DNMBP: variants seen among roughly 807,000 people sequenced by gnomAD.
The protein encoded by DNMBP is dynamin-binding protein.
In DNMBP, 87 loss-of-function variants were observed where a neutral mutation model predicts 150.0. The ratio of observed to expected loss-of-function variants is 0.58; its 90% CI spans 0.49 to 0.69. The LOEUF is 0.69. DNMBP is among the 30% of genes least tolerant of loss of function. The probability of loss-of-function intolerance (pLI) is 0.00; values close to 1 mark genes in which losing one functional copy is unlikely to be tolerated. For synonymous variants in DNMBP, 711 were observed against 750.4 expected (o/e 0.95, Z 0.86); for missense variants, 1,774 against 1,949.0 (o/e 0.91, Z 1.69).
chr10:99,998,017 C>CTT (rs2040968099), intron 1 of DNMBP, among the ~76,000 whole-genome samples: 1 of 147,310 alleles, frequency 6.8e-6, no homozygotes, highest in Non-Finnish European at 1.5e-5. Flanking sequence ...GGGCAGATCA[C>CTT]AAGGTCAGGA....
intron 13 of DNMBP, 66 bp downstream of exon 13, chr10:99,886,234 T>G (rs1345145909): frequency 3.6e-6 from 5 of 1,375,624 alleles, no homozygotes; most frequent in Non-Finnish European, 5.0e-6. Flanking sequence ...ATGCTACCAT[T>G]TTTCCCAGAA....
intron 4 of DNMBP, among the ~76,000 whole-genome samples, chr10:99,948,806 T>C (rs2040387369): frequency 6.6e-6 from 1 of 151,798 alleles, no homozygotes; most frequent in African/African-American, 2.4e-5. Flanking sequence ...CTACTAAAAA[T>C]ACAAAAATTA....
intron 1 of DNMBP, among the ~76,000 whole-genome samples, chr10:99,997,723 G>T (rs1410828055): frequency 6.6e-6 from 1 of 151,806 alleles, no homozygotes; most frequent in Non-Finnish European, 1.5e-5. Context: ...GAGGCAGATG[G>T]ATCACTTGAG....
intron 1 of DNMBP, among the ~76,000 whole-genome samples, chr10:100,006,832 G>A (rs2041077138): frequency 6.6e-6 from 1 of 152,180 alleles, no homozygotes. Flanking sequence ...CCATGAGTTA[G>A]GCCAGGTGTG....
intron 6 of DNMBP, 58 bp downstream of exon 6, chr10:99,907,937 C>T: frequency 7.5e-7 from 1 of 1,330,828 alleles, no homozygotes; most frequent in South Asian, 1.2e-5. Context: ...AGGCCACTTA[C>T]TCCTGCCCAT....
intron 4 of DNMBP, among the ~76,000 whole-genome samples, chr10:99,926,601 G>A (rs1487959100): frequency 1.3e-5 from 2 of 152,180 alleles, no homozygotes; most frequent in East Asian, 3.9e-4. Flanking sequence ...AAGCCCACAT[G>A]GGGCAATCTT....
intron 7 of DNMBP, 29 bp from the exon 8 acceptor site, chr10:99,898,789 GAGAC>G: frequency 6.2e-7 from 1 of 1,607,110 alleles, no homozygotes; most frequent in Non-Finnish European, 8.5e-7. Context: ...GAAAAGAAAA[GAGAC>G]AGTTTATTAG....
At chr10:99,941,470 A>G (rs1488087211) in intron 4 of DNMBP, among the ~76,000 whole-genome samples, 1 of 143,542 alleles carries the variant, frequency 7.0e-6, no homozygotes, top group African/African-American at 2.5e-5. Flanking sequence ...ACTCTTCTCA[A>G]TTTTTTTTTT....
At chr10:99,951,027 T>C (rs2040416347) in intron 4 of DNMBP, among the ~76,000 whole-genome samples, 1 of 152,212 alleles carries the variant, frequency 6.6e-6, no homozygotes, top group South Asian at 2.1e-4. Context: ...TCCTGGGCTG[T>C]GCCCAGGATC....
At chr10:99,995,386 C>T (rs2040940451) in intron 1 of DNMBP, among the ~76,000 whole-genome samples, 1 of 152,120 alleles carries the variant, frequency 6.6e-6, no homozygotes, top group South Asian at 2.1e-4. Context: ...CCTGAAGTTC[C>T]TCTAAGGCTT....
intron 1 of DNMBP, among the ~76,000 whole-genome samples, chr10:99,973,961 G>C (rs1028346848): frequency 2.0e-5 from 3 of 152,112 alleles, no homozygotes; most frequent in African/African-American, 7.2e-5. Flanking sequence ...TTCCAGCCTG[G>C]GTGACGGAGT....
At position 99,955,845 on chromosome 10, in the gene DNMBP, G is replaced by A. The variant is rs114508150; in HGVS notation, c.1629C>T (p.Asp543=). The A allele has an allele frequency of 6.2e-4, 1,006 of 1,614,224 alleles. 2 individuals are homozygous for A. In the African/African-American group the frequency reaches 0.012, roughly 20 times the overall value. Residue 543 remains aspartate, a synonymous_variant, in exon 4 of 17, where the codon GAC becomes GAT. Transcript: ENST00000324109. The stretch of plus-strand genomic sequence containing the variant: ...GCTTCGAGTCCAGGTCAGTGCTGCC[G>A]TCTCCCTGTGAATGTGTTGCTGCTT... ...VMEAATHSQG[D]GSTDLDSKLT...
intron 4 of DNMBP, among the ~76,000 whole-genome samples, chr10:99,932,950 CTCTT>C (rs1035461790): frequency 7.9e-5 from 12 of 151,622 alleles, no homozygotes; most frequent in African/African-American, 2.9e-4. Flanking sequence ...GCTTGTATGA[CTCTT>C]TCTGATGAAA....
chr10:99,915,606 T>C (rs1015490359), intron 4 of DNMBP, among the ~76,000 whole-genome samples: 5 of 152,018 alleles, frequency 3.3e-5, no homozygotes, highest in African/African-American at 1.2e-4. Context: ...TCCCAGCTAC[T>C]CCGAAGGCTG....
Position 99,957,019 on chromosome 10 carries a change from G to C in DNMBP, c.455C>G (p.Ala152Gly), listed in dbSNP as rs143249554. ...IPEYSMGQARALMGLSAQLDE... is the reference protein window; with the variant it reads ...IPEYSMGQARGLMGLSAQLDE... ...CAGCTGAGCAGAAAGCCCCATTAGG[G>C]CCCGGGCTTGTCCCATGGAATATTC... The change falls in exon 4 of 17, where the codon GCC (alanine) becomes GGC (glycine). Residue 152 changes from alanine to glycine, a missense_variant. Transcript: ENST00000324109. The C allele has an allele frequency of 6.2e-7, 1 of 1,614,170 alleles. No individual in the cohort carries two copies. Among genetic ancestry groups the C allele is most frequent in the Non-Finnish European group, 8.5e-7 (1 of 1,180,034 alleles).
chr10:99,895,875 C>T (rs2039645515), intron 10 of DNMBP, among the ~76,000 whole-genome samples: 1 of 152,220 alleles, frequency 6.6e-6, no homozygotes. Context: ...CTGCAGACTT[C>T]AGGTCAACTT....
chr10:99,910,313 T>A (rs1188690528), intron 4 of DNMBP, among the ~76,000 whole-genome samples: 6 of 152,134 alleles, frequency 3.9e-5, no homozygotes, highest in African/African-American at 1.4e-4. Flanking sequence ...AGGCCAAGGC[T>A]GGCAGATCAC....
chr10:99,966,191 G>A (rs1408868759), intron 3 of DNMBP, among the ~76,000 whole-genome samples: 2 of 152,104 alleles, frequency 1.3e-5, no homozygotes, highest in African/African-American at 4.8e-5. Flanking sequence ...AAAAAAACGT[G>A]AAAGGCATAG....
chr10:100,004,798 A>T (rs1295672902), intron 1 of DNMBP, among the ~76,000 whole-genome samples: 1 of 152,230 alleles, frequency 6.6e-6, no homozygotes, highest in Non-Finnish European at 1.5e-5. Flanking sequence ...GCAAAGACAA[A>T]ACGAGAACTA....
Sources: gnomAD v4.1 joint callset for allele counts (sites outside exome capture counted in the v4.1 genomes callset) on GRCh38, gnomAD v4.1.1 for gene constraint, MANE v1.5 for transcripts, NCBI Gene and HGNC (gene_info 2026-07-23, HGNC 2026-07-21) for gene names.